The following RAB10 variants were observed in gnomAD, a reference collection of about 807,000 sequenced individuals.
RAB10 encodes ras-related protein Rab-10.
RAB10 carries 5 observed loss-of-function variants against 25.7 expected under a neutral mutation model. The ratio of observed to expected loss-of-function variants is 0.19; its 90% CI spans 0.10 to 0.41. The LOEUF is 0.41. Among genes scored for constraint, RAB10 ranks in the 10% least tolerant of loss-of-function variants. RAB10 has a pLI of 1.00. For missense variants in RAB10, 103 were observed against 245.8 expected, an observed-to-expected ratio of 0.42 and a Z score of 3.89; for synonymous variants, 89 against 86.4, an observed-to-expected ratio of 1.03 and a Z score of -0.16.
chr2:26,118,527 A>G (rs1364714654), intron 3 of RAB10, among the ~76,000 whole-genome samples: 2 of 152,280 alleles, frequency 1.3e-5, no homozygotes, highest in Non-Finnish European at 2.9e-5. Flanking sequence ...TGTGAAATAT[A>G]TATTGGTTTC....
chr2:26,105,400 CA>C (rs1033788776), intron 2 of RAB10, among the ~76,000 whole-genome samples: 5 of 152,108 alleles, frequency 3.3e-5, no homozygotes, highest in Non-Finnish European at 7.3e-5. Context: ...CCTGTAATCT[CA>C]GCACTTTGGG....
Position 26,109,913 on chromosome 2 carries a change from C to G in RAB10, c.327+7C>G. The G allele has an allele frequency of 6.3e-7, 1 of 1,592,710 alleles. No individual in the cohort carries two copies. The highest frequency in any genetic ancestry group is 1.1e-5 in the South Asian group (1 of 87,084). ...GCTTAGAAACATAGATGAGGTAAGACCTAGAACTTGTATAAACCCTTCATG... is the reference window on the plus strand; with the variant it reads ...GCTTAGAAACATAGATGAGGTAAGAGCTAGAACTTGTATAAACCCTTCATG... On this transcript the variant is annotated splice_region_variant and intron_variant, in intron 3 of 5. Coordinates refer to ENST00000264710, the MANE Select transcript of RAB10 (RefSeq NM_016131.5).
intron 1 of RAB10, among the ~76,000 whole-genome samples, chr2:26,071,062 G>A (rs1306847661): frequency 6.6e-6 from 1 of 152,168 alleles, no homozygotes; most frequent in Non-Finnish European, 1.5e-5. Flanking sequence ...ACTCACAAGA[G>A]AAAACTAAAA....
rs367768851 is a variant in RAB10 at position 26,056,316 on chromosome 2, A to C, written c.127+21581A>C. ...CGGGTTCAGGCAATTCTCCTGCCTC[A>C]GCTTCCTCAGTAGCTGGAACTACAG... On this transcript the variant is annotated intron_variant, in intron 1 of 5. Coordinates refer to ENST00000264710, the MANE Select transcript of RAB10 (RefSeq NM_016131.5). 2.8e-4 allele frequency among the ~76,000 whole-genome samples: 42 copies of C among 152,198 alleles called. No homozygotes were observed. In the East Asian group the frequency reaches 7.9e-3, roughly 29 times the overall value.
intron 1 of RAB10, among the ~76,000 whole-genome samples, chr2:26,082,800 C>T (rs1187284644): frequency 6.6e-6 from 1 of 151,978 alleles, no homozygotes; most frequent in African/African-American, 2.4e-5. Flanking sequence ...TATGACCTAT[C>T]CCTAATGAAC....
At chr2:26,052,013 C>T (rs1366376932) in intron 1 of RAB10, among the ~76,000 whole-genome samples, 6 of 151,432 alleles carry the variant, frequency 4.0e-5, no homozygotes, top group South Asian at 2.1e-4. Context: ...GCTGAGATCC[C>T]GCCACTGCAC....
intron 1 of RAB10, among the ~76,000 whole-genome samples, chr2:26,080,774 A>G (rs75691120): frequency 0.038 from 5,819 of 152,246 alleles, 157 homozygotes; most frequent in Non-Finnish European, 0.058. Context: ...CAATGGCATT[A>G]CAGGCGCTTG....
At chr2:26,048,704 A>C (rs552217974) in intron 1 of RAB10, among the ~76,000 whole-genome samples, 1 of 152,196 alleles carries the variant, frequency 6.6e-6, no homozygotes, top group South Asian at 2.1e-4. Flanking sequence ...GCGAAACCCT[A>C]TCTCTACAAA....
intron 1 of RAB10, among the ~76,000 whole-genome samples, chr2:26,097,465 A>G (rs1412360358): frequency 6.6e-6 from 1 of 152,144 alleles, no homozygotes; most frequent in East Asian, 1.9e-4. Context: ...TTTAGTAGAG[A>G]CGGGGTTTCA....
intron 1 of RAB10, among the ~76,000 whole-genome samples, chr2:26,076,947 G>GA (rs796845901): frequency 0.044 from 4,375 of 98,522 alleles, 127 homozygotes; most frequent in East Asian, 0.11. Flanking sequence ...AAAAAAAAGA[G>GA]AAAAAAAAAA....
At chr2:26,131,029 G>T (rs573284226) in intron 5 of RAB10, among the ~76,000 whole-genome samples, 9 of 136,128 alleles carry the variant, frequency 6.6e-5, no homozygotes, top group Non-Finnish European at 9.4e-5. Context: ...ATCAGTCTTG[G>T]CTTTTTTTTT....
At chr2:26,041,566 AG>A (rs369307081) in intron 1 of RAB10, among the ~76,000 whole-genome samples, 12,651 of 134,216 alleles carry the variant, frequency 0.094, 1,650 homozygotes, top group Non-Finnish European at 0.13. Context: ...AAAAAAAAAA[AG>A]AATGTTAGCT....
intron 1 of RAB10, among the ~76,000 whole-genome samples, chr2:26,064,805 G>C (rs767686407): frequency 2.0e-5 from 3 of 152,132 alleles, no homozygotes; most frequent in Non-Finnish European, 4.4e-5. Flanking sequence ...CCAGCACTTT[G>C]GGAGGCTGAA....
At chr2:26,122,804 A>T (rs1667833194) in intron 3 of RAB10, among the ~76,000 whole-genome samples, 1 of 152,098 alleles carries the variant, frequency 6.6e-6, no homozygotes, top group South Asian at 2.1e-4. Context: ...CTAACAGGAG[A>T]AGCAGCTTCT....
intron 2 of RAB10, chr2:26,101,573 A>G (rs1667339915): frequency 6.5e-6 from 1 of 152,780 alleles, no homozygotes; most frequent in Non-Finnish European, 1.5e-5. Flanking sequence ...GCTTTTGGGC[A>G]CAGGGGCGGG....
At chr2:26,129,268 CAAAA>C (rs58007291) in intron 5 of RAB10, among the ~76,000 whole-genome samples, 11 of 133,600 alleles carry the variant, frequency 8.2e-5, no homozygotes, top group African/African-American at 1.4e-4. Flanking sequence ...GACTCCATCT[CAAAA>C]AAAAAAAAAA....
At chr2:26,052,284 G>A (rs1666155089) in intron 1 of RAB10, among the ~76,000 whole-genome samples, 1 of 151,920 alleles carries the variant, frequency 6.6e-6, no homozygotes, top group Non-Finnish European at 1.5e-5. Context: ...TACTTGGGAG[G>A]CAGATGTAGG....
intron 1 of RAB10, among the ~76,000 whole-genome samples, chr2:26,070,014 C>CTTTTGACAATAATCTTGG (rs1410325774): frequency 6.6e-6 from 1 of 152,178 alleles, no homozygotes; most frequent in Non-Finnish European, 1.5e-5. Context: ...GCCTCCGATA[C>CTTTTGACAATAATCTTGG]TTTTGACAAT....
chr2:26,097,375 G>A (rs1667244675), intron 1 of RAB10, among the ~76,000 whole-genome samples: 1 of 152,146 alleles, frequency 6.6e-6, no homozygotes, highest in Admixed American at 6.5e-5. Context: ...CCGGGTTCAA[G>A]TGATTCTTCT....
Sources: allele counts gnomAD v4.1 joint callset (sites outside exome capture counted in the v4.1 genomes callset), GRCh38; gene constraint gnomAD v4.1.1; transcripts MANE v1.5; gene names NCBI Gene and HGNC (gene_info 2026-07-23, HGNC 2026-07-21).